The following CHRM3 variants were observed in gnomAD, a reference collection of about 807,000 sequenced individuals.
CHRM3 encodes the protein cholinergic receptor muscarinic 3.
In CHRM3, 11 loss-of-function variants were observed where a neutral mutation model predicts 41.8. The observed-to-expected ratio is 0.26, with a 90% CI of 0.17 to 0.44. The LOEUF is 0.44. CHRM3 is among the 20% of genes least tolerant of loss of function. CHRM3 has a pLI of 1.00. For synonymous variants in CHRM3, 297 were observed against 301.4 expected (o/e 0.99, Z 0.15); for missense variants, 571 against 745.4 (o/e 0.77, Z 2.72).
intron 4 of CHRM3, among the ~76,000 whole-genome samples, chr1:239,677,817 T>C (rs576450554): frequency 2.6e-5 from 4 of 152,318 alleles, no homozygotes; most frequent in African/African-American, 9.6e-5. Flanking sequence ...ATAATATAAA[T>C]GTCTGTATGT....
chr1:239,856,987 T>A (rs1194622560), intron 6 of CHRM3, among the ~76,000 whole-genome samples: 1 of 152,172 alleles, frequency 6.6e-6, no homozygotes, highest in East Asian at 1.9e-4. Flanking sequence ...ATTAATCACC[T>A]GCTAAATTAA....
At chr1:239,393,453 G>C (rs1237188187) in intron 1 of CHRM3, among the ~76,000 whole-genome samples, 6 of 152,142 alleles carry the variant, frequency 3.9e-5, no homozygotes, top group African/African-American at 1.4e-4. Flanking sequence ...TGTTTCCTGT[G>C]CTTTCTCACA....
Position 239,402,654 on chromosome 1 carries a change from C to G in CHRM3, c.-521+15427C>G, listed in dbSNP as rs918612877. On this transcript the variant is annotated intron_variant, in intron 1 of 6. Coordinates refer to ENST00000676153, the MANE Select transcript of CHRM3 (RefSeq NM_001375978.1). ...TTTATTCTCCCTAGCTTGGCTGTAG[C>G]TGTCCTAAAAATATTAGGCCTGAAG... Among the ~76,000 whole-genome samples the G allele has an allele frequency of 3.9e-5, 6 of 152,278 alleles. No homozygotes were observed. In the South Asian group the frequency reaches 1.0e-3, roughly 26 times the overall value.
At chr1:239,619,223 CTTTTTTATAACATATA>C (rs1668082469) in intron 3 of CHRM3, among the ~76,000 whole-genome samples, 1 of 152,004 alleles carries the variant, frequency 6.6e-6, no homozygotes, top group South Asian at 2.1e-4. Flanking sequence ...CCTCCTTTCT[CTTTTTTATAACATATA>C]GTTATTCTAT....
intron 6 of CHRM3, among the ~76,000 whole-genome samples, chr1:239,850,548 T>C (rs1674618781): frequency 6.6e-6 from 1 of 152,184 alleles, no homozygotes; most frequent in Non-Finnish European, 1.5e-5. Context: ...TGTTAAGAAA[T>C]CTGTTATCAC....
At chr1:239,837,496 A>C (rs2149135438) in intron 6 of CHRM3, among the ~76,000 whole-genome samples, 1 of 152,310 alleles carries the variant, frequency 6.6e-6, no homozygotes, top group African/African-American at 2.4e-5. Context: ...TGTAAGCTGC[A>C]AACCCTGACA....
chr1:239,496,670 T>G (rs1022237460), intron 2 of CHRM3, among the ~76,000 whole-genome samples: 2 of 152,076 alleles, frequency 1.3e-5, no homozygotes, highest in African/African-American at 4.8e-5. Context: ...CCAACATGGA[T>G]GATATATTTT....
At chr1:239,871,077 A>C (rs1676539310) in intron 6 of CHRM3, among the ~76,000 whole-genome samples, 1 of 151,908 alleles carries the variant, frequency 6.6e-6, no homozygotes, top group Admixed American at 6.6e-5. Flanking sequence ...TTGTGGAATC[A>C]CTCCAAACTA....
At chr1:239,672,599 T>TACACACACACACACACAC (rs35094370) in intron 4 of CHRM3, among the ~76,000 whole-genome samples, 1 of 145,844 alleles carries the variant, frequency 6.9e-6, no homozygotes, top group Non-Finnish European at 1.5e-5. Context: ...TTCTTCCCAC[T>TACACACACACACACACAC]ACACACACAC....
At chr1:239,530,911 T>C (rs1009456375) in intron 2 of CHRM3, among the ~76,000 whole-genome samples, 5 of 152,088 alleles carry the variant, frequency 3.3e-5, no homozygotes, top group African/African-American at 1.2e-4. Flanking sequence ...AAACAAATAT[T>C]TGCAGAAATA....
chr1:239,601,469 A>G (rs1388281452), intron 3 of CHRM3, among the ~76,000 whole-genome samples: 1 of 152,086 alleles, frequency 6.6e-6, no homozygotes, highest in Non-Finnish European at 1.5e-5. Flanking sequence ...AATGGGAATG[A>G]GGTTAGAGTC....
intron 5 of CHRM3, among the ~76,000 whole-genome samples, chr1:239,807,757 A>G (rs1462908049): frequency 6.6e-6 from 1 of 152,064 alleles, no homozygotes; most frequent in Non-Finnish European, 1.5e-5. Context: ...TAGTATATAG[A>G]AGAGAAGCAG....
At chr1:239,788,715 G>A (rs1008054732) in intron 5 of CHRM3, among the ~76,000 whole-genome samples, 13 of 151,768 alleles carry the variant, frequency 8.6e-5, no homozygotes, top group Admixed American at 7.2e-4. Flanking sequence ...GCAGTGAGCT[G>A]AGATGGCACC....
intron 1 of CHRM3, among the ~76,000 whole-genome samples, chr1:239,434,326 C>G (rs547187551): frequency 6.6e-6 from 1 of 152,296 alleles, no homozygotes; most frequent in South Asian, 2.1e-4. Context: ...GTTTCCTCTA[C>G]CTGGAAGGCC....
intron 2 of CHRM3, among the ~76,000 whole-genome samples, chr1:239,543,540 C>T (rs1430702608): frequency 6.6e-5 from 10 of 151,308 alleles, no homozygotes; most frequent in Admixed American, 6.6e-4. Flanking sequence ...TGGAGTCTCA[C>T]TCAGTCACCC....
intron 3 of CHRM3, among the ~76,000 whole-genome samples, chr1:239,573,168 C>A (rs1158341142): frequency 6.6e-6 from 1 of 152,068 alleles, no homozygotes; most frequent in African/African-American, 2.4e-5. Flanking sequence ...TTTCCCCCTA[C>A]CATTTAGTGC....
At chr1:239,664,313 C>A (rs919107836) in intron 4 of CHRM3, among the ~76,000 whole-genome samples, 36 of 152,244 alleles carry the variant, frequency 2.4e-4, no homozygotes, top group South Asian at 2.1e-3. Flanking sequence ...AATTTATCAC[C>A]AATTCAATGA....
intron 4 of CHRM3, among the ~76,000 whole-genome samples, chr1:239,652,371 T>C (rs1558421665): frequency 6.6e-6 from 1 of 152,218 alleles, no homozygotes; most frequent in Non-Finnish European, 1.5e-5. Flanking sequence ...CCATTCCACC[T>C]TGAGCAAGCT....
At chr1:239,440,057 C>G (rs10159111) in intron 1 of CHRM3, among the ~76,000 whole-genome samples, 3,272 of 151,796 alleles carry the variant, frequency 0.022, 132 homozygotes, top group African/African-American at 0.072. Flanking sequence ...AATTAGCCAG[C>G]CATGGTGGTG....
Sources: gnomAD v4.1 joint callset for allele counts (sites outside exome capture counted in the v4.1 genomes callset) on GRCh38, gnomAD v4.1.1 for gene constraint, MANE v1.5 for transcripts, NCBI Gene and HGNC (gene_info 2026-07-23, HGNC 2026-07-21) for gene names.